Variants in ESPN observed in about 807,000 individuals in gnomAD.
The protein encoded by ESPN is espin, also known as autosomal recessive deafness type 36 protein.
Under a neutral mutation model 77.7 loss-of-function variants are expected in ESPN, and 68 were observed. That is an observed-to-expected ratio of 0.87 (90% confidence interval 0.72 to 1.07). The LOEUF (loss-of-function observed/expected upper bound fraction) is 1.07, where lower values mean the gene tolerates loss of function less well. Among genes scored for constraint, ESPN ranks in the 50% least tolerant of loss-of-function variants. The pLI, the probability that ESPN is intolerant of heterozygous loss-of-function variation, is 0.00. For synonymous variants in ESPN, 449 were observed against 567.1 expected (o/e 0.79, Z 2.96); for missense variants, 1,060 against 1,239.0 (o/e 0.86, Z 2.17).
At chr1:6,436,101 C>G (rs1643428659) in intron 2 of ESPN, among the ~76,000 whole-genome samples, 2 of 152,276 alleles carry the variant, frequency 1.3e-5, no homozygotes, top group Non-Finnish European at 2.9e-5. Context: ...GCAGTGAGGT[C>G]TGCGGGAGAA....
chr1:6,426,048 G>A (rs1643022808), intron 1 of ESPN, among the ~76,000 whole-genome samples: 1 of 152,226 alleles, frequency 6.6e-6, no homozygotes. Flanking sequence ...ATAGGCCGAG[G>A]TTAGGGATTT....
At chr1:6,434,026 G>T (rs112725535) in intron 2 of ESPN, among the ~76,000 whole-genome samples, 1 of 151,976 alleles carries the variant, frequency 6.6e-6, no homozygotes, top group African/African-American at 2.4e-5. Flanking sequence ...TTAGCCTACC[G>T]AGTAGCTGGG....
At chr1:6,443,181 A>AAT (rs1643707287) in intron 5 of ESPN, 1 of 152,004 alleles carries the variant, frequency 6.6e-6, no homozygotes. Flanking sequence ...TAAAAAAAAA[A>AAT]AAAAAAAGTT....
chr1:6,434,447 C>T (rs1224857536), intron 2 of ESPN, among the ~76,000 whole-genome samples: 1 of 152,194 alleles, frequency 6.6e-6, no homozygotes, highest in Non-Finnish European at 1.5e-5. Context: ...CTCCAGTAAA[C>T]GTCTGCTGAA....
At chr1:6,438,704 G>A (rs946948547) in intron 2 of ESPN, among the ~76,000 whole-genome samples, 1 of 152,254 alleles carries the variant, frequency 6.6e-6, no homozygotes, top group Non-Finnish European at 1.5e-5. Flanking sequence ...ATGGCACAGA[G>A]TCCCAGCCCC....
At chr1:6,459,873 C>T in intron 12 of ESPN, 126 bp from the exon 13 acceptor site, 1 of 1,164,246 alleles carries the variant, frequency 8.6e-7, no homozygotes, top group Non-Finnish European at 1.3e-6. Flanking sequence ...CGAGCCCCAG[C>T]CCTCAGTAAC....
intron 2 of ESPN, among the ~76,000 whole-genome samples, chr1:6,435,723 C>A (rs866622677): frequency 3.3e-5 from 5 of 152,306 alleles, no homozygotes; most frequent in Middle Eastern, 3.4e-3. Context: ...AAATGGTGCC[C>A]AGCCTGGCCC....
chr1:6,460,242 C>T lies in ESPN; in HGVS notation c.*96C>T. The T allele has an allele frequency of 2.0e-6, 3 of 1,478,560 alleles. No homozygotes were observed. Among genetic ancestry groups the T allele is most frequent in the East Asian group, 2.4e-5 (1 of 42,516 alleles). The allele number at this position is 1,478,560 out of a possible 1,614,324, so 91.6% of individuals were successfully genotyped here. On this transcript the variant is annotated 3_prime_UTR_variant, in exon 13 of 13. Coordinates refer to ENST00000645284, the MANE Select transcript of ESPN (RefSeq NM_031475.3). ...CCTGGTGGAAAGGCTGGGAGCCGCA[C>T]AGCCCTCCCCTCCTGCGCTGGAAAC... is the stretch of plus-strand genomic sequence containing the variant.
chr1:6,457,588 T>A (rs564961472), intron 12 of ESPN, among the ~76,000 whole-genome samples: 2 of 152,196 alleles, frequency 1.3e-5, no homozygotes, highest in Non-Finnish European at 2.9e-5. Context: ...CCTGGCCTTT[T>A]CTACCCTTCA....
At position 6,445,903 on chromosome 1, in the gene ESPN, C is replaced by T. The variant is rs780655335; in HGVS notation, c.1432C>T (p.Arg478Cys). The change falls in exon 7 of 13, where the codon CGC becomes TGC. Residue 478 changes from arginine (R) to cysteine (C), a missense_variant. Around this residue, in one of 3 missense-constraint regions of ESPN, gnomAD observed 130 missense variants for 223.9 expected, o/e 0.58. Coordinates refer to ENST00000645284, the MANE Select transcript of ESPN (RefSeq NM_031475.3). ...CTACATGCAGACCAAGAACAAACTC[C>T]GCCACGTGGAGACAGAGGCCCTCAA... ...DIYMQTKNKL[R>C]HVETEALKKE... 579 of 1,612,376 alleles carry T rather than the reference C, an allele frequency of 3.6e-4. 1 individual carries two copies. The highest frequency in any genetic ancestry group is 4.7e-4 in the Non-Finnish European group (549 of 1,179,686).
intron 2 of ESPN, among the ~76,000 whole-genome samples, chr1:6,431,776 C>T (rs193238415): frequency 4.7e-4 from 72 of 152,276 alleles, no homozygotes; most frequent in African/African-American, 1.6e-3. Flanking sequence ...ACAACCACCC[C>T]GAGCAGTAGC....
chr1:6,432,383 C>T (rs1224363974), intron 2 of ESPN, among the ~76,000 whole-genome samples: 1 of 152,160 alleles, frequency 6.6e-6, no homozygotes, highest in African/African-American at 2.4e-5. Flanking sequence ...GGCAGCAGGG[C>T]GTGGGGGCAG....
intron 12 of ESPN, 79 bp from the exon 13 acceptor site, chr1:6,459,920 G>T: frequency 6.3e-7 from 1 of 1,587,376 alleles, no homozygotes. Context: ...TCTGCCTGGT[G>T]CCTGGCCCCA....
intron 2 of ESPN, among the ~76,000 whole-genome samples, chr1:6,433,121 C>CA (rs1157087361): frequency 2.7e-4 from 36 of 134,890 alleles, no homozygotes; most frequent in Non-Finnish European, 4.6e-4. Context: ...GACTCCATCT[C>CA]AAAAAAAAAG....
intron 5 of ESPN, 41 bp from the exon 6 acceptor site, chr1:6,444,439 TG>T: frequency 6.2e-7 from 1 of 1,603,542 alleles, no homozygotes; most frequent in Non-Finnish European, 8.5e-7. Flanking sequence ...CAACGCATCT[TG>T]GGGTATGGTT....
chr1:6,457,328 G>A (rs758533394), intron 11 of ESPN, 33 bp from the exon 12 acceptor site: 3 of 1,614,222 alleles, frequency 1.9e-6, no homozygotes, highest in Non-Finnish European at 2.5e-6. Flanking sequence ...TGAGGTGGAG[G>A]TACCAAGTGA....
chr1:6,461,234 AC>A (rs1644162042), downstream of ESPN: 1 of 744,396 alleles, frequency 1.3e-6, no homozygotes, highest in African/African-American at 1.7e-5. The surrounding 1 kb of genome is among the most constrained non-coding windows in gnomAD (Gnocchi z 6.3). Context: ...AAATGTCTTC[AC>A]CCCCTCTCGA....
intron 2 of ESPN, among the ~76,000 whole-genome samples, chr1:6,431,287 C>G (rs1342056993): frequency 1.3e-5 from 2 of 152,184 alleles, no homozygotes; most frequent in Non-Finnish European, 2.9e-5. Context: ...TCCCCTACCC[C>G]CGACCAGACT....
chr1:6,443,172 A>T (rs1364541669), intron 5 of ESPN: 7 of 76,812 alleles, frequency 9.1e-5, no homozygotes, highest in Non-Finnish European at 1.2e-4. Context: ...AACTCTGTCT[A>T]AAAAAAAAAA....
Sources: gnomAD v4.1 joint callset for allele counts (sites outside exome capture counted in the v4.1 genomes callset) on GRCh38, gnomAD v4.1.1 for gene constraint, gnomAD v4.1.1 regional missense constraint, Gnocchi (gnomAD v3.1) non-coding constraint, MANE v1.5 for transcripts, NCBI Gene and HGNC (gene_info 2026-07-23, HGNC 2026-07-21) for gene names.